Variants in PPIL6 observed in about 807,000 individuals in gnomAD.
The protein encoded by PPIL6 is probable inactive peptidyl-prolyl cis-trans isomerase-like 6.
A neutral mutation model predicts 36.8 loss-of-function variants in PPIL6; 39 were observed. The observed-to-expected ratio is 1.06, with a 90% confidence interval of 0.82 to 1.38. PPIL6 has a LOEUF of 1.38. PPIL6 is among the 40% of genes most tolerant of loss of function. The pLI, the probability that PPIL6 is intolerant of heterozygous loss-of-function variation, is 0.00. For missense variants in PPIL6, 368 were observed against 379.1 expected (o/e 0.97, Z 0.24); for synonymous variants, 123 against 134.1 (o/e 0.92, Z 0.57).
At chr6:109,424,535 C>T (rs572835875) in intron 5 of PPIL6, among the ~76,000 whole-genome samples, 1 of 152,286 alleles carries the variant, frequency 6.6e-6, no homozygotes, top group South Asian at 2.1e-4. Flanking sequence ...ATCAGAGGCA[C>T]GTGAACCACA....
chr6:109,420,892 G>A (rs1773508630), intron 5 of PPIL6, among the ~76,000 whole-genome samples: 1 of 152,208 alleles, frequency 6.6e-6, no homozygotes, highest in Non-Finnish European at 1.5e-5. Context: ...TGGCTCAGAA[G>A]TTAATTGACA....
intron 2 of PPIL6, among the ~76,000 whole-genome samples, chr6:109,432,333 C>G (rs1774200811): frequency 6.6e-6 from 1 of 152,092 alleles, no homozygotes; most frequent in Non-Finnish European, 1.5e-5. Flanking sequence ...TGCCTTCAGC[C>G]CCTCAAAATG....
intron 6 of PPIL6, among the ~76,000 whole-genome samples, chr6:109,406,013 A>G (rs1355166182): frequency 1.3e-5 from 2 of 151,994 alleles, no homozygotes; most frequent in South Asian, 4.1e-4. Context: ...TTGTTGTACA[A>G]TGCTGCAAAG....
rs905931573 is a variant in PPIL6 at position 109,413,158 on chromosome 6, A to AAAAC, written c.688+6025_688+6028dup. ...GGGTGACAGAGTGAGACTCTGTCTC[A>AAAAC]AAACAAACAAACAAACAAACAAAAA... On this transcript the variant is annotated intron_variant, in intron 6 of 7. Transcript: ENST00000521072. The surrounding 1 kb of genome is among the most constrained non-coding windows in gnomAD (Gnocchi z 4.6). Among the ~76,000 whole-genome samples the AAAAC allele has an allele frequency of 2.6e-4, 39 of 152,244 alleles. No individual in the cohort carries two copies. Among genetic ancestry groups the AAAAC allele is most frequent in the Non-Finnish European group, 3.2e-4 (22 of 68,018 alleles).
chr6:109,405,650 A>G (rs1012573204), intron 6 of PPIL6, among the ~76,000 whole-genome samples: 24 of 152,208 alleles, frequency 1.6e-4, no homozygotes, highest in African/African-American at 5.8e-4. Flanking sequence ...TTCTTCCACC[A>G]TGAGAAACAC....
Position 109,418,485 on chromosome 6 carries a change from C to T in PPIL6, c.688+702G>A, listed in dbSNP as rs1234495750. Among the ~76,000 whole-genome samples, 3 of 151,814 alleles carry T rather than the reference C, an allele frequency of 2.0e-5. No individual in the cohort carries two copies. In the East Asian group the frequency reaches 5.8e-4, roughly 29 times the overall value. On this transcript the variant is annotated intron_variant, in intron 6 of 7. Coordinates refer to ENST00000521072, the MANE Select transcript of PPIL6 (RefSeq NM_173672.5). The stretch of plus-strand genomic sequence containing the variant: ...TGTATTGTGGAATTTAGGTAGATAC[C>T]TTGTCACCTGCTTTTGTTGTAAATG...
At chr6:109,409,331 G>A (rs2115217206) in intron 6 of PPIL6, among the ~76,000 whole-genome samples, 1 of 152,288 alleles carries the variant, frequency 6.6e-6, no homozygotes, top group East Asian at 1.9e-4. Flanking sequence ...GAAGGCCAAG[G>A]CAGGCGGATC....
intron 2 of PPIL6, among the ~76,000 whole-genome samples, chr6:109,435,683 G>C (rs181960627): frequency 5.3e-5 from 8 of 152,278 alleles, no homozygotes; most frequent in East Asian, 3.9e-4. Context: ...CCAGCACTTT[G>C]GGAGGCCGAG....
At chr6:109,440,960 G>C (rs1024699332), upstream of PPIL6, 4 of 648,026 alleles carry the variant, frequency 6.2e-6, no homozygotes, top group African/African-American at 1.9e-5. Flanking sequence ...GGGAACGCGG[G>C]AGTCGGGCCC....
At chr6:109,400,442 C>T (rs1315807818) in intron 6 of PPIL6, among the ~76,000 whole-genome samples, 1 of 152,100 alleles carries the variant, frequency 6.6e-6, no homozygotes, top group Non-Finnish European at 1.5e-5. Flanking sequence ...TAATAATGTA[C>T]AAGGAAATAT....
At chr6:109,404,985 T>G in intron 6 of PPIL6, 1 of 307,236 alleles carries the variant, frequency 3.3e-6, no homozygotes. Context: ...ACCTGGGAGG[T>G]GGAGGTTGCA....
intron 2 of PPIL6, among the ~76,000 whole-genome samples, 173 bp from the exon 3 acceptor site, chr6:109,431,518 C>T (rs1315530412): frequency 6.6e-6 from 1 of 152,014 alleles, no homozygotes; most frequent in Admixed American, 6.6e-5. Flanking sequence ...TCAGAAAGAA[C>T]TTAAGAACAT....
In PPIL6 at chr6:109,440,563, G is replaced by C; in HGVS notation, c.28C>G (p.Pro10Ala). The change falls in exon 1 of 8, where the codon CCG becomes GCG. Residue 10 changes from proline to alanine, a missense_variant. By Grantham distance (27) the Pro-to-Ala change is conservative. Coordinates refer to ENST00000521072, the MANE Select transcript of PPIL6 (RefSeq NM_173672.5). MARPQPCGP[P>A]HARCGSPSLP... Reference sequence around the variant, plus strand: ...GACGGCGAGCCGCACCTAGCGTGCGGGGGCCCGCACGGCTGCGGCCTTGCC... The same window carrying C: ...GACGGCGAGCCGCACCTAGCGTGCGCGGGCCCGCACGGCTGCGGCCTTGCC... 1 of 1,461,036 alleles carries C rather than the reference G, an allele frequency of 6.8e-7. No homozygotes were observed. The highest frequency in any genetic ancestry group is 1.5e-5 in the African/African-American group (1 of 66,680). 90.5% of individuals were successfully genotyped at this position (1,461,036 alleles called of 1,614,324 possible).
intron 5 of PPIL6, 148 bp from the exon 6 acceptor site, chr6:109,419,391 G>T: frequency 1.7e-6 from 1 of 584,310 alleles, no homozygotes; most frequent in Admixed American, 3.1e-5. Flanking sequence ...GACCAGCCTG[G>T]GCAACATAAT....
At chr6:109,392,972 T>G in intron 7 of PPIL6, 35 bp from the exon 8 acceptor site, 6 of 1,177,834 alleles carry the variant, frequency 5.1e-6, no homozygotes, top group Non-Finnish European at 7.5e-6. Context: ...ATTTAGTCAG[T>G]CATAAGTTTT....
At chr6:109,440,717 G>A, upstream of PPIL6, 1 of 675,778 alleles carries the variant, frequency 1.5e-6, no homozygotes, top group Non-Finnish European at 1.9e-6. Context: ...GTGGCGGCTG[G>A]GCCTTTCCTC....
intron 6 of PPIL6, among the ~76,000 whole-genome samples, chr6:109,414,007 T>C (rs931127978): frequency 1.3e-5 from 2 of 151,310 alleles, no homozygotes; most frequent in Admixed American, 6.6e-5. Context: ...GGATGGTTAA[T>C]AGGCACAAAA....
intron 7 of PPIL6, among the ~76,000 whole-genome samples, chr6:109,394,085 T>C (rs1772201633): frequency 6.6e-6 from 1 of 152,114 alleles, no homozygotes; most frequent in Non-Finnish European, 1.5e-5. Context: ...GCCATGCTAG[T>C]TTCGACTGGA....
rs1300902058 is a variant in PPIL6 at position 109,390,956 on chromosome 6, G to A, written c.*1870C>T. 1 of 152,124 alleles carries A rather than the reference G, an allele frequency of 6.6e-6. No homozygotes were observed. Among genetic ancestry groups the A allele is most frequent in the Non-Finnish European group, 1.5e-5 (1 of 68,016 alleles). 9.4% of individuals were successfully genotyped at this position (152,124 alleles called of 1,614,324 possible). A position where few individuals can be genotyped will look rare whatever the true frequency, so the allele number is the denominator to read the frequency against. ...TTTAAGACTGATGTAAATAGAGATT[G>A]TTCTTGGAAGACAAACCTCATTCTG... On this transcript the variant is annotated 3_prime_UTR_variant, in exon 8 of 8. Coordinates refer to ENST00000521072, the MANE Select transcript of PPIL6 (RefSeq NM_173672.5).
Sources: gnomAD v4.1 joint callset for allele counts (sites outside exome capture counted in the v4.1 genomes callset) on GRCh38, gnomAD v4.1.1 for gene constraint, Gnocchi (gnomAD v3.1) non-coding constraint, MANE v1.5 for transcripts, NCBI Gene and HGNC (gene_info 2026-07-23, HGNC 2026-07-21) for gene names.